The following MBP variants were observed in gnomAD, a reference collection of about 807,000 sequenced individuals.
MBP encodes myelin basic protein.
A neutral mutation model predicts 35.8 loss-of-function variants in MBP; 16 were observed. The ratio of observed to expected loss-of-function variants is 0.45; its 90% CI spans 0.30 to 0.68. The LOEUF is 0.68. Among genes scored for constraint, MBP ranks in the 30% least tolerant of loss-of-function variants. The pLI, the probability that MBP is intolerant of heterozygous loss-of-function variation, is 0.08. For synonymous variants in MBP, 143 were observed against 159.6 expected, an observed-to-expected ratio of 0.90 and a Z score of 0.78; for missense variants, 380 against 404.7, an observed-to-expected ratio of 0.94 and a Z score of 0.52.
chr18:76,997,618 TGTCAG>T (rs1970347363), intron 4 of MBP, among the ~76,000 whole-genome samples: 1 of 152,172 alleles, frequency 6.6e-6, no homozygotes, highest in Admixed American at 6.5e-5. Context: ...CACGCCTCGG[TGTCAG>T]GCTGGTGACG....
rs554018699 is a variant in MBP, at chr18:77,012,869, A to G, written c.576+3963T>C. ...AAGCCAAAAGCTCATAATAAAATTA[A>G]ATCATGATACAACCACCACAGGCAA... On this transcript the variant is annotated intron_variant, in intron 4 of 8. Coordinates refer to ENST00000355994, the MANE Select transcript of MBP (RefSeq NM_001025101.2). The G allele has an allele frequency of 6.3e-5, 62 of 985,306 alleles. No homozygotes were observed. The South Asian group carries it at 2.1e-3, about 33-fold the overall frequency. The allele number at this position is 985,306 out of a possible 1,614,324, so 61.0% of individuals were successfully genotyped here.
At chr18:76,999,354 C>T (rs922181586) in intron 4 of MBP, among the ~76,000 whole-genome samples, 2 of 152,180 alleles carry the variant, frequency 1.3e-5, no homozygotes, top group Non-Finnish European at 2.9e-5. Context: ...AAGCTCTGAG[C>T]TGCGGCCCCA....
intron 3 of MBP, among the ~76,000 whole-genome samples, chr18:77,018,813 TATCC>T (rs1183210563): frequency 7.5e-6 from 1 of 132,496 alleles, no homozygotes; most frequent in Non-Finnish European, 1.6e-5. Context: ...TTTATCCATC[TATCC>T]ATCCATCCAT....
chr18:77,093,835 T>A (rs552585693), intron 2 of MBP, among the ~76,000 whole-genome samples: 1 of 152,304 alleles, frequency 6.6e-6, no homozygotes, highest in African/African-American at 2.4e-5. Context: ...GGCTGCTGGC[T>A]CCCAAATGCA....
intron 2 of MBP, among the ~76,000 whole-genome samples, chr18:77,092,612 T>C (rs1056494794): frequency 6.6e-6 from 1 of 151,882 alleles, no homozygotes; most frequent in Non-Finnish European, 1.5e-5. Flanking sequence ...CAGGCCGAGA[T>C]CCTCCCTTCT....
Position 76,988,625 on chromosome 18 carries a change from G to A in MBP, c.718-98C>T, listed in dbSNP as rs1969704168. 6 of 1,532,904 alleles carry A rather than the reference G, an allele frequency of 3.9e-6. No individual in the cohort carries two copies. The Admixed American group carries it at 8.0e-5, about 21-fold the overall frequency. 95.0% of individuals were successfully genotyped at this position (1,532,904 alleles called of 1,614,324 possible). On this transcript the variant is annotated intron_variant, in intron 6 of 8. Transcript: ENST00000355994. The surrounding 1 kb of genome is among the most constrained non-coding windows in gnomAD (Gnocchi z 5.2). ...ACAGTCAAAGCACAGTGGAGCTGAG[G>A]TGGTAAAAACAGGTTCCACCCGGAG...
At chr18:77,130,046 CA>C (rs35240388) in intron 1 of MBP, among the ~76,000 whole-genome samples, 4,530 of 129,230 alleles carry the variant, frequency 0.035, 187 homozygotes, top group East Asian at 0.15. Flanking sequence ...AAGACTCTGT[CA>C]AAAAAAAAAA....
rs1039507061 is a variant in MBP, at chr18:76,989,489, C to T, written c.681+467G>A. Among the ~76,000 whole-genome samples, 4 of 152,134 alleles carry T rather than the reference C, an allele frequency of 2.6e-5. No homozygotes were observed. Among genetic ancestry groups the T allele is most frequent in the African/African-American group, 9.7e-5 (4 of 41,428 alleles). Reference sequence around the variant, plus strand: ...ACAGTTTCCCTTATTAGCAACACTGCCTTAGGGCTCTCTCGGTGCTGTGCA... The same window carrying T: ...ACAGTTTCCCTTATTAGCAACACTGTCTTAGGGCTCTCTCGGTGCTGTGCA... On this transcript the variant is annotated intron_variant, in intron 5 of 8. Transcript: ENST00000355994. This position sits in a 1 kb window ranked among gnomAD's most constrained non-coding sequence, Gnocchi z 4.0.
intron 1 of MBP, among the ~76,000 whole-genome samples, chr18:77,118,702 AC>A (rs1050708522): frequency 1.5e-5 from 2 of 130,728 alleles, no homozygotes; most frequent in Admixed American, 1.6e-4. Context: ...CACTCCACAC[AC>A]CCCCCACACT....
chr18:76,990,187 T>TG, intron 4 of MBP, 127 bp from the exon 5 acceptor site: 2 of 618,402 alleles, frequency 3.2e-6, no homozygotes, highest in Non-Finnish European at 5.8e-6. Flanking sequence ...TCAGGAATAC[T>TG]TTATTAAGGA....
At chr18:77,127,246 T>C (rs1977079587) in intron 1 of MBP, 2 of 152,156 alleles carry the variant, frequency 1.3e-5, no homozygotes, top group South Asian at 4.1e-4. Context: ...GTGGAAACGG[T>C]TTTTAGCAAA....
chr18:77,028,816 G>GAT (rs1972381452), intron 3 of MBP, among the ~76,000 whole-genome samples: 1 of 90,536 alleles, frequency 1.1e-5, no homozygotes, highest in African/African-American at 3.1e-5. Flanking sequence ...TTCTCAGACG[G>GAT]GGCGGCCGGG....
intron 3 of MBP, among the ~76,000 whole-genome samples, chr18:77,048,584 C>T (rs1973352242): frequency 6.6e-6 from 1 of 151,424 alleles, no homozygotes; most frequent in Non-Finnish European, 1.5e-5. Flanking sequence ...TTGTCTCAGC[C>T]TCCTGAGTAC....
chr18:77,016,558 T>C, intron 4 of MBP: 1 of 1,322,124 alleles, frequency 7.6e-7, no homozygotes, highest in Non-Finnish European at 9.7e-7. Context: ...CCAGGCACCC[T>C]TAGAGATCCA....
At chr18:77,082,104 G>A (rs531184878) in intron 2 of MBP, among the ~76,000 whole-genome samples, 7 of 151,754 alleles carry the variant, frequency 4.6e-5, no homozygotes, top group Non-Finnish European at 7.4e-5. Context: ...CGCCCGCCTC[G>A]GCCTCCCAAA....
intron 7 of MBP, chr18:76,985,943 G>C: frequency 1.0e-6 from 1 of 985,922 alleles, no homozygotes; most frequent in African/African-American, 1.7e-5. Flanking sequence ...GACCGCAGGG[G>C]CTTCCTGACA....
intron 1 of MBP, chr18:77,113,868 G>A (rs965555376): frequency 6.6e-6 from 1 of 152,210 alleles, no homozygotes; most frequent in Non-Finnish European, 1.5e-5. Flanking sequence ...TGCAAGCCGG[G>A]AATTCTCTGC....
chr18:76,991,905 A>G lies in MBP; in HGVS notation c.577-1845T>C, dbSNP rs533905754. Among the ~76,000 whole-genome samples, 8 of 152,336 alleles carry G rather than the reference A, an allele frequency of 5.3e-5. No individual in the cohort carries two copies. The East Asian group carries it at 1.5e-3, about 29-fold the overall frequency. On this transcript the variant is annotated intron_variant, in intron 4 of 8. Coordinates refer to ENST00000355994, the MANE Select transcript of MBP (RefSeq NM_001025101.2). The stretch of plus-strand genomic sequence containing the variant: ...ACCAAAGGCCTAACTCGCCCTGAAA[A>G]GTGCGCTTTTCTGGGATTTATGGTA...
intron 4 of MBP, chr18:77,014,576 AAT>A (rs1351430310): frequency 1.0e-6 from 1 of 985,374 alleles, no homozygotes; most frequent in Non-Finnish European, 1.2e-6. Flanking sequence ...AACAAATAAA[AAT>A]AAAAACAAAA....
Sources: allele counts gnomAD v4.1 joint callset (sites outside exome capture counted in the v4.1 genomes callset), GRCh38; gene constraint gnomAD v4.1.1; non-coding constraint Gnocchi (gnomAD v3.1); transcripts MANE v1.5; gene names NCBI Gene and HGNC (gene_info 2026-07-23, HGNC 2026-07-21).